KCNH7: variants seen among roughly 807,000 people sequenced by gnomAD.
KCNH7 encodes voltage-gated inwardly rectifying potassium channel KCNH7.
KCNH7 carries 49 observed loss-of-function variants against 120.8 expected under a neutral mutation model. The ratio of observed to expected loss-of-function variants is 0.41; its 90% CI spans 0.32 to 0.51. The LOEUF is 0.51. KCNH7 is among the 20% of genes least tolerant of loss of function. KCNH7 has a pLI of 0.38. For synonymous variants in KCNH7, 547 were observed against 516.1 expected, an observed-to-expected ratio of 1.06 and a Z score of -0.81; for missense variants, 1,097 against 1,446.6, an observed-to-expected ratio of 0.76 and a Z score of 3.92.
intron 2 of KCNH7, among the ~76,000 whole-genome samples, chr2:162,612,319 C>T (rs1297651877): frequency 1.1e-4 from 16 of 152,052 alleles, no homozygotes; most frequent in Non-Finnish European, 2.4e-4. Context: ...GTCAGAATCC[C>T]TAAAGGATTA....
intron 2 of KCNH7, among the ~76,000 whole-genome samples, chr2:162,806,670 A>T (rs1684548684): frequency 6.6e-6 from 1 of 152,176 alleles, no homozygotes. Context: ...CTCAGACAAT[A>T]AAAATTGTTC....
At chr2:162,523,451 C>T (rs1481923423) in intron 3 of KCNH7, among the ~76,000 whole-genome samples, 1 of 151,850 alleles carries the variant, frequency 6.6e-6, no homozygotes, top group African/African-American at 2.4e-5. Context: ...TAACCTATTT[C>T]CTATGGTAAT....
chr2:162,431,667 G>A (rs751063766), intron 8 of KCNH7, among the ~76,000 whole-genome samples: 1 of 152,018 alleles, frequency 6.6e-6, no homozygotes, highest in African/African-American at 2.4e-5. Flanking sequence ...ATAAATGATG[G>A]TATGTGAAAT....
chr2:162,387,386 T>C (rs1443320342), intron 12 of KCNH7, among the ~76,000 whole-genome samples: 1 of 151,520 alleles, frequency 6.6e-6, no homozygotes, highest in African/African-American at 2.4e-5. Context: ...TGCATTATAA[T>C]TAGCCTCCAG....
chr2:162,514,239 G>A (rs967388832), intron 4 of KCNH7, among the ~76,000 whole-genome samples: 8 of 151,784 alleles, frequency 5.3e-5, no homozygotes. Flanking sequence ...TGTGGCCTTA[G>A]ATGACAACTC....
intron 2 of KCNH7, among the ~76,000 whole-genome samples, chr2:162,561,017 A>G (rs2105878735): frequency 6.6e-6 from 1 of 151,780 alleles, no homozygotes; most frequent in Middle Eastern, 3.4e-3. Context: ...TAGTAGTTAG[A>G]CAGCTTCATA....
chr2:162,393,313 T>C (rs759776573), intron 12 of KCNH7, among the ~76,000 whole-genome samples: 2 of 151,918 alleles, frequency 1.3e-5, no homozygotes, highest in South Asian at 4.1e-4. Flanking sequence ...CAGTTGGATA[T>C]GTGGGACTGA....
chr2:162,612,494 TG>T (rs1436160685), intron 2 of KCNH7, among the ~76,000 whole-genome samples: 1 of 152,140 alleles, frequency 6.6e-6, no homozygotes, highest in Admixed American at 6.5e-5. Context: ...ACTCTCTAGG[TG>T]GTCTAGGAGA....
At chr2:162,573,974 A>G (rs1693580522) in intron 2 of KCNH7, among the ~76,000 whole-genome samples, 1 of 152,084 alleles carries the variant, frequency 6.6e-6, no homozygotes, top group African/African-American at 2.4e-5. Context: ...AGAACAGAAT[A>G]AACAAATTTT....
At chr2:162,640,099 A>G (rs1159351678) in intron 2 of KCNH7, among the ~76,000 whole-genome samples, 2 of 152,188 alleles carry the variant, frequency 1.3e-5, no homozygotes, top group Non-Finnish European at 2.9e-5. Context: ...GGAAGACTCA[A>G]TAGTAACTAT....
intron 12 of KCNH7, among the ~76,000 whole-genome samples, chr2:162,386,641 G>A (rs1490213588): frequency 6.6e-6 from 1 of 151,786 alleles, no homozygotes; most frequent in Non-Finnish European, 1.5e-5. Flanking sequence ...GTGTTTTCCA[G>A]CAGCATCAAA....
intron 14 of KCNH7, among the ~76,000 whole-genome samples, 169 bp downstream of exon 14, chr2:162,379,684 C>G (rs1161102022): frequency 2.6e-5 from 4 of 152,068 alleles, no homozygotes; most frequent in Admixed American, 2.0e-4. Context: ...TAAATAAATG[C>G]TCCTTTCAAC....
At chr2:162,637,942 G>A (rs552893094) in intron 2 of KCNH7, among the ~76,000 whole-genome samples, 3 of 152,010 alleles carry the variant, frequency 2.0e-5, no homozygotes, top group South Asian at 4.1e-4. Context: ...AATTCAAAGG[G>A]GTTACCATGA....
chr2:162,398,997 G>A (rs1258839530), intron 10 of KCNH7, among the ~76,000 whole-genome samples: 2 of 151,824 alleles, frequency 1.3e-5, no homozygotes, highest in African/African-American at 4.8e-5. Context: ...TCTGTGCCAT[G>A]CCATACTCTG....
chr2:162,603,901 C>T (rs886946794), intron 2 of KCNH7, among the ~76,000 whole-genome samples: 5 of 152,012 alleles, frequency 3.3e-5, no homozygotes, highest in Non-Finnish European at 4.4e-5. Flanking sequence ...GTATTGTTTT[C>T]ATTTGTTATA....
chr2:162,390,566 A>C (rs1686715450), intron 12 of KCNH7, among the ~76,000 whole-genome samples: 1 of 151,882 alleles, frequency 6.6e-6, no homozygotes, highest in South Asian at 2.1e-4. Context: ...AGGTCATTGA[A>C]GCCTCATTTT....
In KCNH7 at chr2:162,673,095, C is replaced by T. The variant is rs115653340; in HGVS notation, c.308-136015G>A. 2.3e-3 allele frequency among the ~76,000 whole-genome samples: 354 copies of T among 151,966 alleles called. 1 individual carries two copies. The highest frequency in any genetic ancestry group is 8.2e-3 in the African/African-American group (341 of 41,516). ...GCAACCAAGAATGTTTACAATTCTA[C>T]CAAACTTTAAAATAGCTGATATTTG... is the stretch of plus-strand genomic sequence containing the variant. On this transcript the variant is annotated intron_variant, in intron 2 of 15. Coordinates refer to ENST00000332142, the MANE Select transcript of KCNH7 (RefSeq NM_033272.4).
At chr2:162,737,054 C>T (rs960948783) in intron 2 of KCNH7, among the ~76,000 whole-genome samples, 2 of 152,030 alleles carry the variant, frequency 1.3e-5, no homozygotes, top group Non-Finnish European at 2.9e-5. Flanking sequence ...GAAAGAAAAT[C>T]TCAAAAAAGA....
At chr2:162,609,875 A>C (rs1553502403) in intron 2 of KCNH7, among the ~76,000 whole-genome samples, 1 of 152,168 alleles carries the variant, frequency 6.6e-6, no homozygotes, top group Non-Finnish European at 1.5e-5. Context: ...TCCTGGGACA[A>C]ACCTGCCAGC....
Sources: gnomAD v4.1 joint callset for allele counts (sites outside exome capture counted in the v4.1 genomes callset) on GRCh38, gnomAD v4.1.1 for gene constraint, MANE v1.5 for transcripts, NCBI Gene and HGNC (gene_info 2026-07-23, HGNC 2026-07-21) for gene names.